Variants in CANX observed in about 807,000 individuals in gnomAD.
CANX encodes the protein calnexin.
Under a neutral mutation model 75.7 loss-of-function variants are expected in CANX, and 14 were observed. That is an observed-to-expected ratio of 0.19 (90% CI 0.12 to 0.29). The LOEUF is 0.29. Ranked by LOEUF, CANX falls within the 10% of genes least tolerant of loss-of-function variation. The pLI, the probability that CANX is intolerant of heterozygous loss-of-function variation, is 1.00. For missense variants in CANX, 567 were observed against 713.2 expected (o/e 0.79, Z 2.34); for synonymous variants, 227 against 236.9 (o/e 0.96, Z 0.38).
At position 179,693,363 on chromosome 5, in the gene CANX, G is replaced by A. The variant is rs75757928; in HGVS notation, c.-3-12316G>A. On this transcript the variant is annotated intron_variant, in intron 1 of 14. Coordinates refer to the CANX transcript ENST00000681674. Reference sequence around the variant, plus strand: ...GAGACCAGCCTGGGCAAGAAAGTGAGACTCTATCTCTACAAAAAATAAAAA... The same window carrying A: ...GAGACCAGCCTGGGCAAGAAAGTGAAACTCTATCTCTACAAAAAATAAAAA... 8.8e-5 allele frequency among the ~76,000 whole-genome samples: 6 copies of A among 68,106 alleles called. 1 individual carries two copies. The highest frequency in any genetic ancestry group is 5.2e-4 in the Admixed American group (3 of 5,746). 44.7% of individuals were successfully genotyped at this position (68,106 alleles called of 152,430 possible). A position where few individuals can be genotyped will look rare whatever the true frequency, so the allele number is the denominator to read the frequency against.
At chr5:179,698,664 A>C, upstream of CANX, 1 of 1,153,034 alleles carries the variant, frequency 8.7e-7, no homozygotes, top group Non-Finnish European at 1.2e-6. Flanking sequence ...CCGACGCGGG[A>C]ACGCCTGTTA....
At chr5:179,707,662 T>TA (rs1777245773) in intron 4 of CANX, among the ~76,000 whole-genome samples, 16 of 134,882 alleles carry the variant, frequency 1.2e-4, no homozygotes, top group Admixed American at 6.5e-4. Context: ...TTTTTTTTTT[T>TA]TTTTTATTTA....
chr5:179,678,949 G>T, intron 1 of CANX: 1 of 1,535,288 alleles, frequency 6.5e-7, no homozygotes, highest in Non-Finnish European at 8.7e-7. Context: ...TGCACGGCGC[G>T]CCGTAGGCGA....
In CANX at chr5:179,720,482, C is replaced by T. The variant is rs1280260743; in HGVS notation, c.1104C>T (p.Val368=). 1 of 1,613,946 alleles carries T rather than the reference C, an allele frequency of 6.2e-7. No homozygotes were observed. The highest frequency in any genetic ancestry group is 1.7e-5 in the Admixed American group (1 of 60,026). Reference sequence around the variant, plus strand: ...GTGAGTCAGCTCCTGGATGTGGTGTCTGGCAGCGACCTGTGATTGACAACC... The same window carrying T: ...GTGAGTCAGCTCCTGGATGTGGTGTTTGGCAGCGACCTGTGATTGACAACC... ...PRCESAPGCG[V]WQRPVIDNPN... is the part of the protein sequence containing the mutation. The change falls in exon 10 of 15, where the codon GTC becomes GTT. Residue 368 remains valine (V), a synonymous_variant. Coordinates refer to ENST00000247461, the MANE Select transcript of CANX (RefSeq NM_001746.4).
At chr5:179,682,692 A>T in intron 1 of CANX, among the ~76,000 whole-genome samples, 1 of 140,140 alleles carries the variant, frequency 7.1e-6, no homozygotes, top group Non-Finnish European at 1.5e-5. Context: ...CCTGGGTGAC[A>T]GAGCGAGACT....
intron 8 of CANX, among the ~76,000 whole-genome samples, chr5:179,719,312 A>T (rs1778161412): frequency 1.3e-5 from 2 of 152,168 alleles, no homozygotes; most frequent in Non-Finnish European, 1.5e-5. Context: ...ACTTGGTACT[A>T]AGTGGTATCG....
At chr5:179,714,085 G>T (rs531487617) in intron 7 of CANX, among the ~76,000 whole-genome samples, 1 of 152,222 alleles carries the variant, frequency 6.6e-6, no homozygotes, top group East Asian at 1.9e-4. Flanking sequence ...TGCAACTTCT[G>T]CCTCCCGGGT....
At chr5:179,683,530 C>T (rs955056173) in intron 1 of CANX, among the ~76,000 whole-genome samples, 5 of 151,698 alleles carry the variant, frequency 3.3e-5, no homozygotes, top group Non-Finnish European at 7.4e-5. Flanking sequence ...CTGGAGGTAT[C>T]CATTACCTTT....
Position 179,708,341 on chromosome 5 carries a change from A to G in CANX, c.407A>G (p.Asn136Ser), listed in dbSNP as rs767277435. The stretch of plus-strand genomic sequence containing the variant: ...CATCATGCCATCTCTGCTAAACTGA[A>G]CAAGCCCTTCCTGTTTGACACCAAG... ...AKHHAISAKL[N>S]KPFLFDTKPL... Residue 136 changes from asparagine (N) to serine (S), a missense_variant, in exon 5 of 15, where the codon AAC becomes AGC. Asn to Ser is a conservative substitution (Grantham distance 46). Coordinates refer to ENST00000247461, the MANE Select transcript of CANX (RefSeq NM_001746.4). The G allele has an allele frequency of 4.3e-5, 69 of 1,613,938 alleles. No individual in the cohort carries two copies. Among genetic ancestry groups the G allele is most frequent in the Middle Eastern group, 1.7e-4 (1 of 6,060 alleles).
chr5:179,701,060 G>T (rs909898627), intron 1 of CANX: 1 of 151,996 alleles, frequency 6.6e-6, no homozygotes, highest in Non-Finnish European at 1.5e-5. Flanking sequence ...TAGAGACGGG[G>T]TTTCACCGTG....
chr5:179,722,717 C>A, intron 10 of CANX, 87 bp from the exon 11 acceptor site: 2 of 802,882 alleles, frequency 2.5e-6, no homozygotes, highest in South Asian at 3.4e-5. Context: ...CTCCATTGTT[C>A]ATGCAAAATT....
At chr5:179,710,286 G>T (rs984131347) in intron 7 of CANX, among the ~76,000 whole-genome samples, 2 of 151,910 alleles carry the variant, frequency 1.3e-5, no homozygotes, top group African/African-American at 4.8e-5. Flanking sequence ...AGCTAGGCAT[G>T]GTGGTGCACG....
chr5:179,702,743 A>G (rs1776854429), intron 1 of CANX, among the ~76,000 whole-genome samples: 1 of 152,068 alleles, frequency 6.6e-6, no homozygotes. Flanking sequence ...CCCAGGCTTG[A>G]ATGCAGTGGT....
intron 7 of CANX, among the ~76,000 whole-genome samples, chr5:179,712,883 C>T (rs1777672363): frequency 1.3e-5 from 2 of 151,092 alleles, no homozygotes; most frequent in South Asian, 2.1e-4. Flanking sequence ...GCCACCATGC[C>T]CAGCTAATTT....
At chr5:179,702,223 T>C (rs1776818591) in intron 1 of CANX, among the ~76,000 whole-genome samples, 2 of 151,564 alleles carry the variant, frequency 1.3e-5, no homozygotes, top group African/African-American at 4.9e-5. Flanking sequence ...TTTTTTTTTT[T>C]CCTAATTTTT....
chr5:179,683,265 C>A (rs981738319), intron 1 of CANX, among the ~76,000 whole-genome samples: 2 of 151,814 alleles, frequency 1.3e-5, no homozygotes, highest in African/African-American at 4.8e-5. Flanking sequence ...GTAGCTGGGA[C>A]TACAGGCACC....
upstream of CANX, among the ~76,000 whole-genome samples, chr5:179,696,063 G>T (rs1776395189): frequency 6.6e-6 from 1 of 151,778 alleles, no homozygotes; most frequent in Non-Finnish European, 1.5e-5. Flanking sequence ...GAGACTACAG[G>T]CTCAAGCCAC....
At chr5:179,701,325 G>T (rs1431773294) in intron 1 of CANX, among the ~76,000 whole-genome samples, 7 of 152,048 alleles carry the variant, frequency 4.6e-5, no homozygotes, top group Admixed American at 3.9e-4. Context: ...GGGCACGGTG[G>T]CTCTCACGCC....
chr5:179,711,696 G>A (rs1466443527), intron 7 of CANX, among the ~76,000 whole-genome samples: 3 of 150,614 alleles, frequency 2.0e-5, no homozygotes, highest in African/African-American at 4.9e-5. Flanking sequence ...GGCTGAGGCA[G>A]GAGAATTGCT....
Sources: gnomAD v4.1 joint callset for allele counts (sites outside exome capture counted in the v4.1 genomes callset) on GRCh38, gnomAD v4.1.1 for gene constraint, MANE v1.5 for transcripts, NCBI Gene and HGNC (gene_info 2026-07-23, HGNC 2026-07-21) for gene names.